RBFOX3: variants seen among roughly 807,000 people sequenced by gnomAD.
The protein encoded by RBFOX3 is RNA binding fox-1 homolog 3.
Under a neutral mutation model 48.7 loss-of-function variants are expected in RBFOX3, and 17 were observed. That is an observed-to-expected ratio of 0.35 (90% CI 0.24 to 0.52). The LOEUF (loss-of-function observed/expected upper bound fraction) is 0.52. Among genes scored for constraint, RBFOX3 ranks in the 20% least tolerant of loss-of-function variants. The pLI, the probability that RBFOX3 is intolerant of heterozygous loss-of-function variation, is 0.94. For missense variants in RBFOX3, 382 were observed against 497.5 expected (o/e 0.77, Z 2.21); for synonymous variants, 212 against 209.5 (o/e 1.01, Z -0.10).
intron 4 of RBFOX3, among the ~76,000 whole-genome samples, chr17:79,118,294 C>T (rs976030752): frequency 7.2e-5 from 11 of 152,170 alleles, no homozygotes; most frequent in East Asian, 1.9e-4. Flanking sequence ...TCCTCAGCCA[C>T]GGGAGGGAAG....
chr17:79,312,602 G>A (rs908857426), intron 2 of RBFOX3, among the ~76,000 whole-genome samples: 1 of 152,110 alleles, frequency 6.6e-6, no homozygotes, highest in Non-Finnish European at 1.5e-5. Context: ...GTGCCTTCCT[G>A]GGAAGGGGAC....
chr17:79,407,367 C>G (rs905890248), intron 2 of RBFOX3, among the ~76,000 whole-genome samples: 4 of 152,230 alleles, frequency 2.6e-5, no homozygotes, highest in African/African-American at 4.8e-5. Context: ...AAATAAATCA[C>G]TCAACTATTG....
At chr17:79,384,340 A>C (rs1485106443) in intron 2 of RBFOX3, among the ~76,000 whole-genome samples, 1 of 152,146 alleles carries the variant, frequency 6.6e-6, no homozygotes, top group Non-Finnish European at 1.5e-5. Context: ...AAGTCCACCC[A>C]CAGGACATCT....
At chr17:79,557,281 T>C (rs1238063993) in intron 1 of RBFOX3, among the ~76,000 whole-genome samples, 1 of 139,978 alleles carries the variant, frequency 7.1e-6, no homozygotes, top group African/African-American at 2.7e-5. Context: ...GCCCAGAGAA[T>C]GAGCAGGTAG....
intron 2 of RBFOX3, among the ~76,000 whole-genome samples, chr17:79,427,295 G>A (rs1320717781): frequency 6.6e-6 from 1 of 152,218 alleles, no homozygotes; most frequent in African/African-American, 2.4e-5. Flanking sequence ...CCTGCTCTAG[G>A]GAATGGAGGG....
In RBFOX3 at chr17:79,242,848, C is replaced by A. The variant is rs2062590243; in HGVS notation, c.-73-7043G>T. On this transcript the variant is annotated intron_variant, in intron 3 of 14. Coordinates refer to ENST00000693108, the MANE Select transcript of RBFOX3 (RefSeq NM_001350451.2). The surrounding 1 kb of genome is among the most constrained non-coding windows in gnomAD (Gnocchi z 5.8). Reference sequence around the variant, plus strand: ...TGCCTCCTCTCCCAGGAAGCCCGGGCAGGGCTCCACAGCAACCTGCCTGGA... The same window carrying A: ...TGCCTCCTCTCCCAGGAAGCCCGGGAAGGGCTCCACAGCAACCTGCCTGGA... Among the ~76,000 whole-genome samples, 1 of 152,156 alleles carries A rather than the reference C, an allele frequency of 6.6e-6. No individual in the cohort carries two copies. The highest frequency in any genetic ancestry group is 1.9e-4 in the East Asian group (1 of 5,186).
chr17:79,272,106 G>C (rs1161398408), intron 3 of RBFOX3, among the ~76,000 whole-genome samples: 2 of 152,248 alleles, frequency 1.3e-5, no homozygotes, highest in Admixed American at 6.5e-5. Flanking sequence ...GGGCGAGGGG[G>C]AGGGTGGTTA....
Position 79,111,592 on chromosome 17 carries a change from T to C in RBFOX3, c.222+3902A>G, listed in dbSNP as rs1312864565. On this transcript the variant is annotated intron_variant, in intron 5 of 14. Coordinates refer to ENST00000693108, the MANE Select transcript of RBFOX3 (RefSeq NM_001350451.2). This position sits in a 1 kb window ranked among gnomAD's most constrained non-coding sequence, Gnocchi z 4.2. ...CTGGGATTACAGGCACGAGCCACCA[T>C]GCCCGATTAATTTTTGTATTTTTGT... is the stretch of plus-strand genomic sequence containing the variant. 6.6e-6 allele frequency among the ~76,000 whole-genome samples: 1 copy of C among 152,200 alleles called. No homozygotes were observed. Among genetic ancestry groups the C allele is most frequent in the African/African-American group, 2.4e-5 (1 of 41,454 alleles).
At chr17:79,335,130 C>T (rs2080996163) in intron 2 of RBFOX3, among the ~76,000 whole-genome samples, 1 of 152,162 alleles carries the variant, frequency 6.6e-6, no homozygotes, top group Non-Finnish European at 1.5e-5. Flanking sequence ...GTGGGCCTCT[C>T]CCTGTGTAGA....
intron 2 of RBFOX3, among the ~76,000 whole-genome samples, chr17:79,429,496 T>C (rs9894959): frequency 0.99 from 150,221 of 152,248 alleles, 74,138 homozygotes; most frequent in East Asian, 1. Flanking sequence ...TGCCGTGGAC[T>C]GGGCCAGGGT....
intron 1 of RBFOX3, among the ~76,000 whole-genome samples, chr17:79,604,781 T>C (rs1047241992): frequency 8.9e-4 from 136 of 152,352 alleles, no homozygotes; most frequent in African/African-American, 3.1e-3. Context: ...CCTATGTCCT[T>C]TGGCTCCAAA....
At chr17:79,458,312 T>A (rs1357663230) in intron 2 of RBFOX3, among the ~76,000 whole-genome samples, 1 of 152,222 alleles carries the variant, frequency 6.6e-6, no homozygotes, top group East Asian at 1.9e-4. Context: ...CAGAGAAATG[T>A]ACAGGTGCCT....
intron 4 of RBFOX3, among the ~76,000 whole-genome samples, chr17:79,222,933 G>A (rs948014956): frequency 3.3e-5 from 5 of 152,288 alleles, no homozygotes; most frequent in African/African-American, 1.2e-4. Flanking sequence ...CATTCTGGAG[G>A]GTCTGTGATG....
intron 4 of RBFOX3, among the ~76,000 whole-genome samples, chr17:79,188,397 G>A (rs2053842195): frequency 6.6e-6 from 1 of 152,264 alleles, no homozygotes; most frequent in African/African-American, 2.4e-5. Context: ...GGCGTGCAAA[G>A]GAAGTTTATT....
rs148489547 is a variant in RBFOX3, at chr17:79,279,710, C to A, written c.-74+28014G>T. 2.5e-3 allele frequency among the ~76,000 whole-genome samples: 379 copies of A among 152,368 alleles called. 3 individuals carry two copies. The highest frequency in any genetic ancestry group is 2.9e-3 in the Non-Finnish European group (194 of 68,036). On this transcript the variant is annotated intron_variant, in intron 3 of 14. Coordinates refer to ENST00000693108, the MANE Select transcript of RBFOX3 (RefSeq NM_001350451.2). ...GGCACTCCCACGGCAGACAGCTCTG[C>A]CCTGCAGGCTCGTGGTTGCAGATGT...
chr17:79,612,876 C>T (rs1158645197), upstream of RBFOX3, among the ~76,000 whole-genome samples: 5 of 152,212 alleles, frequency 3.3e-5, no homozygotes, highest in African/African-American at 9.6e-5. Context: ...CTCGCTGTGC[C>T]GGCAGTGCCC....
intron 4 of RBFOX3, among the ~76,000 whole-genome samples, chr17:79,160,440 G>A (rs111445169): frequency 0.019 from 2,827 of 152,314 alleles, 35 homozygotes; most frequent in Non-Finnish European, 0.029. Flanking sequence ...TATCCTGTAC[G>A]GCCAAGGCCT....
At chr17:79,373,472 A>G (rs1304497731) in intron 2 of RBFOX3, among the ~76,000 whole-genome samples, 1 of 152,232 alleles carries the variant, frequency 6.6e-6, no homozygotes, top group Non-Finnish European at 1.5e-5. Flanking sequence ...TCCATTCAGA[A>G]CACACCTGAA....
At chr17:79,579,406 C>T (rs1334706725) in intron 1 of RBFOX3, among the ~76,000 whole-genome samples, 9 of 152,198 alleles carry the variant, frequency 5.9e-5, no homozygotes, top group Non-Finnish European at 1.0e-4. Flanking sequence ...CGCTTTTGGC[C>T]TTGATATTCA....
Sources: allele counts gnomAD v4.1 joint callset (sites outside exome capture counted in the v4.1 genomes callset), GRCh38; gene constraint gnomAD v4.1.1; non-coding constraint Gnocchi (gnomAD v3.1); transcripts MANE v1.5; gene names NCBI Gene and HGNC (gene_info 2026-07-23, HGNC 2026-07-21).